The following CCNYL1 variants were observed in gnomAD, a reference collection of about 807,000 sequenced individuals.
CCNYL1 encodes cyclin Y like 1.
CCNYL1 carries 16 observed loss-of-function variants against 44.2 expected under a neutral mutation model. The observed-to-expected ratio is 0.36, with a 90% CI of 0.25 to 0.55. CCNYL1 has a LOEUF of 0.55. CCNYL1 is among the 20% of genes least tolerant of loss of function. The probability of loss-of-function intolerance (pLI) is 0.85; values close to 1 mark genes in which losing one functional copy is unlikely to be tolerated. For missense variants in CCNYL1, 348 were observed against 451.8 expected (o/e 0.77, Z 2.08); for synonymous variants, 159 against 163.2 (o/e 0.97, Z 0.20).
At chr2:207,716,467 A>T (rs751138887) in intron 1 of CCNYL1, among the ~76,000 whole-genome samples, 10 of 152,140 alleles carry the variant, frequency 6.6e-5, no homozygotes, top group Non-Finnish European at 8.8e-5. Context: ...AGATCATTCT[A>T]TATGAGCTGC....
At chr2:207,739,395 GC>G (rs916439705) in intron 5 of CCNYL1, among the ~76,000 whole-genome samples, 6 of 151,996 alleles carry the variant, frequency 3.9e-5, no homozygotes, top group African/African-American at 1.4e-4. Context: ...ACCATGCCTG[GC>G]TAATTTTTGT....
At chr2:207,748,937 C>T (rs1240775614) in intron 8 of CCNYL1, among the ~76,000 whole-genome samples, 1 of 152,232 alleles carries the variant, frequency 6.6e-6, no homozygotes, top group East Asian at 1.9e-4. Flanking sequence ...TCACTGCTGT[C>T]ATCCGTCTGC....
At chr2:207,740,568 G>C in intron 5 of CCNYL1, 87 bp from the exon 6 acceptor site, 1 of 839,802 alleles carries the variant, frequency 1.2e-6, no homozygotes, top group South Asian at 1.4e-5. Context: ...CAAACAGGAG[G>C]CATCTCCCGC....
rs770529753 is a variant in CCNYL1 at position 207,747,082 on chromosome 2, C to T, written c.675C>T (p.Ile225=). 119 of 1,613,790 alleles carry T rather than the reference C, an allele frequency of 7.4e-5. 1 individual carries two copies. The highest frequency in any genetic ancestry group is 4.9e-4 in the Middle Eastern group (3 of 6,082). Residue 225 remains isoleucine (I), a synonymous_variant, in exon 8 of 10, where the codon ATC becomes ATT. Transcript: ENST00000295414. ...YLERLLTYAE[I]DICPTNWKRI... ...AAAGGCTTTTAACTTATGCTGAAAT[C>T]GACATTTGTCCCACCAACTGGAAAA...
intron 2 of CCNYL1, among the ~76,000 whole-genome samples, chr2:207,726,325 G>A (rs1218274685): frequency 6.6e-6 from 1 of 152,192 alleles, no homozygotes; most frequent in African/African-American, 2.4e-5. Context: ...CTTTCCACTT[G>A]TGTAAAGACC....
chr2:207,731,423 A>G (rs1328428513), intron 3 of CCNYL1, among the ~76,000 whole-genome samples: 1 of 152,196 alleles, frequency 6.6e-6, no homozygotes, highest in Non-Finnish European at 1.5e-5. Flanking sequence ...ATTTGTGCAG[A>G]CTAAATGAAG....
chr2:207,732,795 G>T (rs2091738056), intron 3 of CCNYL1, among the ~76,000 whole-genome samples: 1 of 152,054 alleles, frequency 6.6e-6, no homozygotes, highest in Non-Finnish European at 1.5e-5. Flanking sequence ...TTTTCTAGAG[G>T]GCTCAAAAAG....
intron 4 of CCNYL1, among the ~76,000 whole-genome samples, chr2:207,737,030 C>T (rs541957282): frequency 2.0e-5 from 3 of 152,232 alleles, no homozygotes; most frequent in South Asian, 2.1e-4. Context: ...ATTCTCTTGC[C>T]TCAGCCTCCT....
In CCNYL1 at chr2:207,748,794, T is replaced by G. The variant is rs116091632; in HGVS notation, c.806+1581T>G. ...GCTGTTGAAGTGGCTTCTGGTGAAGTTGACCACTTTACTGTTTACCGAACA... is the reference window on the plus strand; with the variant it reads ...GCTGTTGAAGTGGCTTCTGGTGAAGGTGACCACTTTACTGTTTACCGAACA... On this transcript the variant is annotated intron_variant, in intron 8 of 9. Coordinates refer to ENST00000295414, the MANE Select transcript of CCNYL1 (RefSeq NM_001330218.2). Among the ~76,000 whole-genome samples the G allele has an allele frequency of 5.5e-3, 832 of 152,334 alleles. 6 individuals are homozygous for G. Among genetic ancestry groups the G allele is most frequent in the African/African-American group, 0.019 (794 of 41,584 alleles).
intron 1 of CCNYL1, among the ~76,000 whole-genome samples, chr2:207,715,258 ACT>A (rs1318995394): frequency 1.5e-5 from 2 of 134,334 alleles, no homozygotes; most frequent in Non-Finnish European, 3.2e-5. Flanking sequence ...GTGGAGCAAG[ACT>A]CTGTCTCAAA....
At chr2:207,731,865 A>G (rs1448680253) in intron 3 of CCNYL1, among the ~76,000 whole-genome samples, 1 of 139,866 alleles carries the variant, frequency 7.1e-6, no homozygotes, top group South Asian at 2.2e-4. Context: ...GCTGGAGTGC[A>G]GTGGTGCAAT....
chr2:207,736,918 GTT>G (rs776221094), intron 4 of CCNYL1, among the ~76,000 whole-genome samples: 4 of 141,566 alleles, frequency 2.8e-5, no homozygotes, highest in Admixed American at 7.1e-5. Context: ...ATATTACTGG[GTT>G]TTTTTTTTTT....
chr2:207,737,404 T>C lies in CCNYL1; in HGVS notation c.432-7T>C. 6.2e-7 allele frequency: 1 copy of C among 1,605,988 alleles called. No individual in the cohort carries two copies. Among genetic ancestry groups the C allele is most frequent in the Non-Finnish European group, 8.5e-7 (1 of 1,173,828 alleles). ...TTGTTAAAAATAATTTTTTTTTCCC[T>C]TCACAGTGTGACCTTAGCAATATAT... On this transcript the variant is annotated splice_region_variant and splice_polypyrimidine_tract_variant and intron_variant, in intron 4 of 9. Coordinates refer to ENST00000295414, the MANE Select transcript of CCNYL1 (RefSeq NM_001330218.2).
rs754702959 is a variant in CCNYL1, at chr2:207,754,786, A to G, written c.*1088A>G. On this transcript the variant is annotated 3_prime_UTR_variant, in exon 10 of 10. Coordinates refer to ENST00000295414, the MANE Select transcript of CCNYL1 (RefSeq NM_001330218.2). ...ACAAGTAGCTGGGACTACAAGTGCAACTGGCACCTGTCTCCTGAATATTAA... is the reference window on the plus strand; with the variant it reads ...ACAAGTAGCTGGGACTACAAGTGCAGCTGGCACCTGTCTCCTGAATATTAA... 6.5e-6 allele frequency: 1 copy of G among 154,170 alleles called. No homozygotes were observed. Among genetic ancestry groups the G allele is most frequent in the Non-Finnish European group, 1.5e-5 (1 of 68,178 alleles). The allele number at this position is 154,170 out of a possible 1,614,324, so 9.6% of individuals were successfully genotyped here.
At chr2:207,750,522 T>G (rs1232610081) in intron 8 of CCNYL1, among the ~76,000 whole-genome samples, 4 of 152,178 alleles carry the variant, frequency 2.6e-5, no homozygotes, top group Admixed American at 6.5e-5. Flanking sequence ...ACTCCTTTTG[T>G]TGGTGCTTCT....
chr2:207,746,980 A>T (rs2091859264), intron 7 of CCNYL1, 67 bp from the exon 8 acceptor site: 1 of 1,403,584 alleles, frequency 7.1e-7, no homozygotes, highest in Non-Finnish European at 9.8e-7. Flanking sequence ...CGTCTCAAAA[A>T]AAAAAAAAAA....
In CCNYL1 at chr2:207,711,819, T is replaced by TG. The variant is rs1322696771; in HGVS notation, c.-73dup. On this transcript the variant is annotated 5_prime_UTR_variant, in exon 1 of 10. Coordinates refer to ENST00000295414, the MANE Select transcript of CCNYL1 (RefSeq NM_001330218.2). ...CTGCCGGTGCCGGCCGCGCCATTGT[T>TG]GGGGGAGGGGGCGGCTGTTGAGGGC... 4 of 992,998 alleles carry TG rather than the reference T, an allele frequency of 4.0e-6. No individual in the cohort carries two copies. Among genetic ancestry groups the TG allele is most frequent in the South Asian group, 6.0e-5 (2 of 33,222 alleles). The allele number at this position is 992,998 out of a possible 1,614,324, so 61.5% of individuals were successfully genotyped here.
At chr2:207,716,388 CAT>C (rs1040580516) in intron 1 of CCNYL1, among the ~76,000 whole-genome samples, 1 of 146,170 alleles carries the variant, frequency 6.8e-6, no homozygotes, top group Non-Finnish European at 1.5e-5. Context: ...ATGTAAAAGA[CAT>C]AGAGAATACA....
chr2:207,753,027 CAA>C (rs537104378), intron 9 of CCNYL1, among the ~76,000 whole-genome samples: 5 of 125,522 alleles, frequency 4.0e-5, no homozygotes, highest in Admixed American at 8.2e-5. Context: ...AACTCTGCCT[CAA>C]AAAAAAAAAA....
Sources: gnomAD v4.1 joint callset for allele counts (sites outside exome capture counted in the v4.1 genomes callset) on GRCh38, gnomAD v4.1.1 for gene constraint, MANE v1.5 for transcripts, NCBI Gene and HGNC (gene_info 2026-07-23, HGNC 2026-07-21) for gene names.